AGTPBP1: variants seen among roughly 807,000 people sequenced by gnomAD.
The protein encoded by AGTPBP1 is cytosolic carboxypeptidase 1.
In AGTPBP1, 70 loss-of-function variants were observed where a neutral mutation model predicts 143.9. That is an observed-to-expected ratio of 0.49 (90% CI 0.40 to 0.59). The LOEUF (loss-of-function observed/expected upper bound fraction) is 0.59, where lower values mean the gene tolerates loss of function less well. Ranked by LOEUF, AGTPBP1 falls within the 20% of genes least tolerant of loss-of-function variation. AGTPBP1 has a pLI of 0.00. For synonymous variants in AGTPBP1, 463 were observed against 500.2 expected, an observed-to-expected ratio of 0.93 and a Z score of 0.99; for missense variants, 1,229 against 1,464.5, an observed-to-expected ratio of 0.84 and a Z score of 2.62.
At chr9:85,548,593 A>G (rs189506948) in intron 25 of AGTPBP1, among the ~76,000 whole-genome samples, 1 of 152,346 alleles carries the variant, frequency 6.6e-6, no homozygotes, top group African/African-American at 2.4e-5. Context: ...TTTGCAACTA[A>G]AATATTTAGT....
At chr9:85,704,925 G>A (rs1198699608) in intron 2 of AGTPBP1, among the ~76,000 whole-genome samples, 1 of 151,894 alleles carries the variant, frequency 6.6e-6, no homozygotes, top group Non-Finnish European at 1.5e-5. Flanking sequence ...CTTTGTATAA[G>A]ATAAACAGCA....
intron 25 of AGTPBP1, among the ~76,000 whole-genome samples, chr9:85,557,095 G>A: frequency 6.6e-6 from 1 of 152,106 alleles, no homozygotes; most frequent in Non-Finnish European, 1.5e-5. Context: ...CTTATTGTGA[G>A]AGAAATAACT....
In AGTPBP1 at chr9:85,672,597, C is replaced by T. The variant is rs199637681; in HGVS notation, c.521G>A (p.Arg174His). 9.3e-6 allele frequency: 15 copies of T among 1,613,456 alleles called. No homozygotes were observed. The highest frequency in any genetic ancestry group is 2.2e-5 in the East Asian group (1 of 44,852). ...AAGCTGAAGGCAAGGTAGAACCAAG[C>T]GATGATTCTGCAAATTCTGCTTGAC... is the stretch of plus-strand genomic sequence containing the variant. The part of the protein sequence containing the change: ...NLVKQNLQNH[R>H]LVLPCLQLLR... Residue 174 changes from arginine (R) to histidine (H), a missense_variant, in exon 7 of 26, where the codon CGC (arginine) becomes CAC (histidine). Around this residue, in one of 2 missense-constraint regions of AGTPBP1, gnomAD observed 743 missense variants for 812.2 expected, o/e 0.91. Coordinates refer to ENST00000357081, the MANE Select transcript of AGTPBP1 (RefSeq NM_001330701.2).
the AGTPBP1 span, among the ~76,000 whole-genome samples, chr9:85,791,892 A>G: frequency 6.6e-6 from 1 of 151,970 alleles, no homozygotes. Context: ...CATTCAATAG[A>G]GAATTACAAG....
At chr9:85,636,666 AG>A (rs1832074383) in intron 13 of AGTPBP1, among the ~76,000 whole-genome samples, 1 of 152,192 alleles carries the variant, frequency 6.6e-6, no homozygotes. Context: ...GGCAAAGAAA[AG>A]GAAAACAGAA....
intron 2 of AGTPBP1, among the ~76,000 whole-genome samples, chr9:85,705,511 G>A (rs933551304): frequency 4.0e-5 from 6 of 151,796 alleles, no homozygotes; most frequent in Admixed American, 2.0e-4. Flanking sequence ...ACATATCTCT[G>A]TTCATTAAAA....
intron 7 of AGTPBP1, 86 bp from the exon 8 acceptor site, chr9:85,669,664 T>C (rs1421961407): frequency 1.3e-6 from 1 of 783,612 alleles, no homozygotes; most frequent in African/African-American, 1.7e-5. Flanking sequence ...GGCAAAAACA[T>C]ATACAAATTG....
upstream of AGTPBP1, chr9:85,742,022 A>T: frequency 8.3e-7 from 1 of 1,200,142 alleles, no homozygotes; most frequent in Non-Finnish European, 1.0e-6. Context: ...GGCTCCCAGC[A>T]CGCGCAGGGA....
intron 8 of AGTPBP1, among the ~76,000 whole-genome samples, chr9:85,666,316 G>A (rs1834130277): frequency 6.6e-6 from 1 of 152,086 alleles, no homozygotes; most frequent in South Asian, 2.1e-4. Flanking sequence ...AATTAAAAAG[G>A]AGAGGAAGCA....
At chr9:85,742,179 G>A (rs990316004), upstream of AGTPBP1, 4 of 386,990 alleles carry the variant, frequency 1.0e-5, no homozygotes, top group African/African-American at 2.2e-5. Context: ...GGCGGAGCGC[G>A]CACGGGAGCG....
intron 2 of AGTPBP1, among the ~76,000 whole-genome samples, chr9:85,707,154 T>A (rs1413423961): frequency 6.6e-6 from 1 of 151,968 alleles, no homozygotes; most frequent in African/African-American, 2.4e-5. Context: ...AACCCATGGA[T>A]CAAAGAAAAA....
chr9:85,719,754 T>C (rs1243852003), intron 1 of AGTPBP1, among the ~76,000 whole-genome samples: 1 of 152,230 alleles, frequency 6.6e-6, no homozygotes, highest in Non-Finnish European at 1.5e-5. Flanking sequence ...TCAAAGGGAA[T>C]GCTTCCAGTT....
At chr9:85,660,271 CA>C (rs1277681608) in intron 9 of AGTPBP1, among the ~76,000 whole-genome samples, 1 of 151,838 alleles carries the variant, frequency 6.6e-6, no homozygotes, top group African/African-American at 2.4e-5. Flanking sequence ...CGTGATTAAA[CA>C]AAATGTTTAT....
At chr9:85,691,826 T>C (rs1277116687) in intron 3 of AGTPBP1, among the ~76,000 whole-genome samples, 1 of 152,174 alleles carries the variant, frequency 6.6e-6, no homozygotes, top group Non-Finnish European at 1.5e-5. Context: ...ATCGGGGTTT[T>C]GATATCAATT....
In AGTPBP1 at chr9:85,657,718, T is replaced by C. The variant is rs555131046; in HGVS notation, c.701-75A>G. On this transcript the variant is annotated intron_variant, in intron 9 of 25. Transcript: ENST00000357081. The stretch of plus-strand genomic sequence containing the variant: ...AGTGGTAGAATAATCAAATTTAAAA[T>C]ATTACCTCAATATTGTGATGGATAC... 44 of 1,036,970 alleles carry C rather than the reference T, an allele frequency of 4.2e-5. 1 individual carries two copies. The East Asian group carries it at 1.1e-3, about 27-fold the overall frequency. 64.2% of individuals were successfully genotyped at this position (1,036,970 alleles called of 1,614,324 possible).
intron 1 of AGTPBP1, among the ~76,000 whole-genome samples, chr9:85,726,519 A>T (rs143870252): frequency 2.1e-4 from 32 of 152,342 alleles, no homozygotes; most frequent in Non-Finnish European, 4.1e-4. Context: ...TAAGGTTGGT[A>T]AAGAACTGTA....
intron 2 of AGTPBP1, among the ~76,000 whole-genome samples, chr9:85,694,843 CCT>C (rs1338664285): frequency 6.6e-6 from 1 of 152,116 alleles, no homozygotes; most frequent in Non-Finnish European, 1.5e-5. Flanking sequence ...AACTTCTGTT[CCT>C]CCTCTCAACC....
At chr9:85,583,835 T>G (rs1828435838) in intron 23 of AGTPBP1, among the ~76,000 whole-genome samples, 1 of 152,136 alleles carries the variant, frequency 6.6e-6, no homozygotes, top group Non-Finnish European at 1.5e-5. Context: ...GCTAGGCATG[T>G]GGAGCTTACT....
the AGTPBP1 span, among the ~76,000 whole-genome samples, chr9:85,777,463 G>C: frequency 6.6e-6 from 1 of 152,208 alleles, no homozygotes; most frequent in African/African-American, 2.4e-5. Flanking sequence ...GTCAGCCTTG[G>C]TGAGTGGAAG....
Sources: gnomAD v4.1 joint callset for allele counts (sites outside exome capture counted in the v4.1 genomes callset) on GRCh38, gnomAD v4.1.1 for gene constraint, gnomAD v4.1.1 regional missense constraint, MANE v1.5 for transcripts, NCBI Gene and HGNC (gene_info 2026-07-23, HGNC 2026-07-21) for gene names.